Variants in NKX1-1 observed in about 807,000 individuals in gnomAD.
NKX1-1 encodes NK1 homeobox 1, also known as NK1 transcription factor-related protein 1.
A neutral mutation model predicts 1.7 loss-of-function variants in NKX1-1; 7 were observed. That is an observed-to-expected ratio of 4.22 (90% CI 2.40 to 7.92). The LOEUF (loss-of-function observed/expected upper bound fraction) is 7.92, where lower values mean the gene tolerates loss of function less well. Among genes scored for constraint, NKX1-1 ranks in the 30% most tolerant of loss-of-function variants. The probability of loss-of-function intolerance (pLI) is 0.00; values close to 1 mark genes in which losing one functional copy is unlikely to be tolerated. For synonymous variants in NKX1-1, 242 were observed against 85.3 expected (o/e 2.84, Z -10.13); for missense variants, 453 against 171.5 (o/e 2.64, Z -9.17).
rs1720678600 is a variant in NKX1-1, at chr4:1,403,002, G to A, written c.1277C>T (p.Ala426Val). ...AAQLPFLSSP[A>V]VLSPFVLGSQ... ...GCCCAGCACGAAGGGCGAGAGCACC[G>A]CCGGGCTCGACAGGAACGGCAGCTG... The change falls in exon 2 of 2, where the codon GCG becomes GTG. Residue 426 changes from alanine to valine, a missense_variant. Coordinates refer to ENST00000422806, the MANE Select transcript of NKX1-1 (RefSeq NM_001290079.1). 2 of 644,414 alleles carry A rather than the reference G, an allele frequency of 3.1e-6. No homozygotes were observed. Among genetic ancestry groups the A allele is most frequent in the South Asian group, 1.6e-5 (1 of 61,586 alleles). 39.9% of individuals were successfully genotyped at this position (644,414 alleles called of 1,614,324 possible).
At position 1,405,996 on chromosome 4, in the gene NKX1-1, G is replaced by C. The variant is rs1040744497; in HGVS notation, c.447C>G (p.Ala149=). ...ALAGAGGVGA[A]GAEPPNAGDP... is the part of the protein sequence containing the mutation. ...CCTACTCACTCGGCGGCTCAGCTCC[G>C]GCGGCTCCGACTCCCCCGGCGCCGG... The change falls in exon 1 of 2, where the codon GCC becomes GCG. Residue 149 remains alanine, a synonymous_variant. Coordinates refer to ENST00000422806, the MANE Select transcript of NKX1-1 (RefSeq NM_001290079.1). The C allele has an allele frequency of 2.1e-6, 1 of 473,508 alleles. No individual in the cohort carries two copies. Among genetic ancestry groups the C allele is most frequent in the African/African-American group, 2.0e-5 (1 of 49,008 alleles). The allele number at this position is 473,508 out of a possible 1,614,324, so 29.3% of individuals were successfully genotyped here.
At position 1,403,721 on chromosome 4, in the gene NKX1-1, G is replaced by A. The variant is rs1285426705; in HGVS notation, c.558C>T (p.Ser186=). The change falls in exon 2 of 2, where the codon AGC becomes AGT. Residue 186 remains serine (S), a synonymous_variant. Transcript: ENST00000422806. ...CCTCGTCGTCGGGAACCTCGTCCCC[G>A]CTGTCCGCGCTCGGGCTGTGGCCGC... ...GGGGHSPSAD[S]GDEVPDDEDD... 2 of 686,320 alleles carry A rather than the reference G, an allele frequency of 2.9e-6. No homozygotes were observed. The highest frequency in any genetic ancestry group is 1.8e-5 in the African/African-American group (1 of 54,134). The allele number at this position is 686,320 out of a possible 1,614,324, so 42.5% of individuals were successfully genotyped here. A position where few individuals can be genotyped will look rare whatever the true frequency, so the allele number is the denominator to read the frequency against.
In NKX1-1 at chr4:1,403,364, G is replaced by A. The variant is rs1720691223; in HGVS notation, c.915C>T (p.Tyr305=). ...TGTTCTCCAGCGCCACGAGCTGCTC[G>A]TAGGTGAAGGCGGTGCGCGCTCGCC... is the stretch of plus-strand genomic sequence containing the variant. ...KPRRARTAFT[Y]EQLVALENKF... Residue 305 remains tyrosine, a synonymous_variant, in exon 2 of 2, where the codon TAC becomes TAT. Transcript: ENST00000422806. 1 of 725,600 alleles carries A rather than the reference G, an allele frequency of 1.4e-6. No homozygotes were observed. The highest frequency in any genetic ancestry group is 3.1e-5 in the East Asian group (1 of 31,964). 44.9% of individuals were successfully genotyped at this position (725,600 alleles called of 1,614,324 possible).
Position 1,403,420 on chromosome 4 carries a change from T to A in NKX1-1, c.859A>T (p.Thr287Ser). ...TTCCCGGACTTGGAGTCGGACCCCG[T>A]GCGCTTCCGCTTGGGCTTCGCCGCC... ...ATAAKPKRKRTGSDSKSGKPR... is the reference protein window; with the variant it reads ...ATAAKPKRKRSGSDSKSGKPR... The change falls in exon 2 of 2, where the codon ACG becomes TCG. Residue 287 changes from threonine (T) to serine (S), a missense_variant. Physicochemically the swap from Thr to Ser is moderately conservative, Grantham distance 58 (BLOSUM62 1). Coordinates refer to ENST00000422806, the MANE Select transcript of NKX1-1 (RefSeq NM_001290079.1). 1 of 651,998 alleles carries A rather than the reference T, an allele frequency of 1.5e-6. No individual in the cohort carries two copies. 40.4% of individuals were successfully genotyped at this position (651,998 alleles called of 1,614,324 possible). A position where few individuals can be genotyped will look rare whatever the true frequency, so the allele number is the denominator to read the frequency against.
rs1234365744 is a variant in NKX1-1, at chr4:1,403,498, C to G, written c.781G>C (p.Gly261Arg). Residue 261 changes from glycine to arginine, a missense_variant, in exon 2 of 2, where the codon GGA becomes CGA. Transcript: ENST00000422806. ...ENSPVAQGPP[G>R]GAAAPGGAGT... ...GCGCCCCCCGGCGCCGCTGCACCTC[C>G]CGGTGGGCCCTGGGCAACGGGCGAG... The G allele has an allele frequency of 1.9e-6, 1 of 527,114 alleles. No individual in the cohort carries two copies. The highest frequency in any genetic ancestry group is 2.0e-5 in the African/African-American group (1 of 49,398). 32.7% of individuals were successfully genotyped at this position (527,114 alleles called of 1,614,324 possible).
chr4:1,405,932 C>T (rs1720742319), intron 1 of NKX1-1, 48 bp downstream of exon 1: 2 of 436,850 alleles, frequency 4.6e-6, no homozygotes, highest in South Asian at 6.1e-5. Flanking sequence ...GCATAGAAGC[C>T]TCCGGTCCCC....
Position 1,402,961 on chromosome 4 carries a change from C to T in NKX1-1, c.1318G>A (p.Ala440Thr). The stretch of plus-strand genomic sequence containing the variant: ...AGGTGCGGCGCGTAGAAGGCGGGCG[C>T]CCCGTAGGTCTGCGAGCCCAGCACG... ...PFVLGSQTYG[A>T]PAFYAPHL The change falls in exon 2 of 2, where the codon GCG becomes ACG. Residue 440 changes from alanine to threonine, a missense_variant. Ala to Thr is a moderately conservative substitution (Grantham distance 58). Coordinates refer to ENST00000422806, the MANE Select transcript of NKX1-1 (RefSeq NM_001290079.1). 1 of 665,582 alleles carries T rather than the reference C, an allele frequency of 1.5e-6. No homozygotes were observed. Among genetic ancestry groups the T allele is most frequent in the Admixed American group, 2.2e-5 (1 of 46,172 alleles). 41.2% of individuals were successfully genotyped at this position (665,582 alleles called of 1,614,324 possible). A position where few individuals can be genotyped will look rare whatever the true frequency, so the allele number is the denominator to read the frequency against.
In NKX1-1 at chr4:1,403,555, C is replaced by A; in HGVS notation, c.724G>T (p.Asp242Tyr). 2.2e-6 allele frequency: 1 copy of A among 454,000 alleles called. No homozygotes were observed. Among genetic ancestry groups the A allele is most frequent in the Non-Finnish European group, 3.8e-6 (1 of 261,694 alleles). The allele number at this position is 454,000 out of a possible 1,614,324, so 28.1% of individuals were successfully genotyped here. ...CGGGGTCCGGGGGCCGCTGCCTCGT[C>A]GACGGTGGCTCCGGGGGACGCGTCG... The part of the protein sequence containing the change: ...ETDASPGATV[D>Y]EAAAPGPREN... Residue 242 changes from aspartate to tyrosine, a missense_variant, in exon 2 of 2, where the codon GAC becomes TAC. Transcript: ENST00000422806.
intron 1 of NKX1-1, among the ~76,000 whole-genome samples, chr4:1,404,686 C>T (rs905400609): frequency 6.6e-6 from 1 of 152,278 alleles, no homozygotes; most frequent in Non-Finnish European, 1.5e-5. Flanking sequence ...TCGCCTATGC[C>T]CCGGCACTGG....
At chr4:1,404,314 A>T (rs972162254) in intron 1 of NKX1-1, among the ~76,000 whole-genome samples, 2 of 152,242 alleles carry the variant, frequency 1.3e-5, no homozygotes, top group Non-Finnish European at 2.9e-5. Context: ...ATTGCCGGGC[A>T]TTTAATAACA....
At position 1,403,289 on chromosome 4, in the gene NKX1-1, C is replaced by A; in HGVS notation, c.990G>T (p.Ala330=). Residue 330 remains alanine, a synonymous_variant, in exon 2 of 2, where the codon GCG becomes GCT. Coordinates refer to ENST00000422806, the MANE Select transcript of NKX1-1 (RefSeq NM_001290079.1). ...YLSVCERLNL[A]LSLSLTETQV... is the part of the protein sequence containing the mutation. Reference sequence around the variant, plus strand: ...GCGTCTCGGTGAGGCTGAGCGACAGCGCCAGGTTGAGGCGCTCGCACACCG... The same window carrying A: ...GCGTCTCGGTGAGGCTGAGCGACAGAGCCAGGTTGAGGCGCTCGCACACCG... 2.8e-6 allele frequency: 2 copies of A among 718,830 alleles called. No individual in the cohort carries two copies. The highest frequency in any genetic ancestry group is 1.8e-5 in the African/African-American group (1 of 55,158). 44.5% of individuals were successfully genotyped at this position (718,830 alleles called of 1,614,324 possible). A position where few individuals can be genotyped will look rare whatever the true frequency, so the allele number is the denominator to read the frequency against.
At chr4:1,405,424 G>A (rs1231280313) in intron 1 of NKX1-1, among the ~76,000 whole-genome samples, 1 of 152,254 alleles carries the variant, frequency 6.6e-6, no homozygotes, top group Non-Finnish European at 1.5e-5. Context: ...CGCCGTAATG[G>A]GATATCGACC....
chr4:1,404,561 A>T (rs922242059), intron 1 of NKX1-1, among the ~76,000 whole-genome samples: 23 of 152,128 alleles, frequency 1.5e-4, no homozygotes, highest in Non-Finnish European at 2.5e-4. Flanking sequence ...CCCGCGGCCT[A>T]AAGGCCCGGT....
chr4:1,405,413 G>A (rs1286140600), intron 1 of NKX1-1, among the ~76,000 whole-genome samples: 2 of 152,198 alleles, frequency 1.3e-5, no homozygotes, highest in African/African-American at 2.4e-5. Flanking sequence ...AGATATGCAC[G>A]CGCCGTAATG....
rs1720727121 is a variant in NKX1-1, at chr4:1,405,119, C to G, written c.463+861G>C. Among the ~76,000 whole-genome samples the G allele has an allele frequency of 2.6e-5, 4 of 152,304 alleles. No individual in the cohort carries two copies. In the South Asian group the frequency reaches 6.2e-4, roughly 24 times the overall value. On this transcript the variant is annotated intron_variant, in intron 1 of 1. Coordinates refer to ENST00000422806, the MANE Select transcript of NKX1-1 (RefSeq NM_001290079.1). ...GGATTTGTTCGCCCTCCATCTCGGCCGACCCGGAAGAGGCCCCGCGCAGGT... is the reference window on the plus strand; with the variant it reads ...GGATTTGTTCGCCCTCCATCTCGGCGGACCCGGAAGAGGCCCCGCGCAGGT...
chr4:1,404,978 A>T (rs1170601088), intron 1 of NKX1-1, among the ~76,000 whole-genome samples: 1 of 152,108 alleles, frequency 6.6e-6, no homozygotes, highest in Non-Finnish European at 1.5e-5. Context: ...CGGCTGTAGT[A>T]TGCGCGCGCC....
chr4:1,403,836 G>T (rs1313519558), intron 1 of NKX1-1, 21 bp from the exon 2 acceptor site: 1 of 647,592 alleles, frequency 1.5e-6, no homozygotes, highest in Non-Finnish European at 2.8e-6. Context: ...GAGGGACAAG[G>T]ACAGGGCAGG....
intron 1 of NKX1-1, 149 bp downstream of exon 1, chr4:1,405,831 G>A: frequency 2.5e-6 from 1 of 394,976 alleles, no homozygotes; most frequent in East Asian, 3.7e-5. Flanking sequence ...GGCCACGGGT[G>A]GGCTGGTGCG....
intron 1 of NKX1-1, among the ~76,000 whole-genome samples, chr4:1,404,984 G>A (rs898059733): frequency 3.9e-5 from 6 of 152,320 alleles, no homozygotes; most frequent in African/African-American, 1.4e-4. Context: ...TAGTATGCGC[G>A]CGCCTTCCCG....
Sources: gnomAD v4.1 joint callset for allele counts (sites outside exome capture counted in the v4.1 genomes callset) on GRCh38, gnomAD v4.1.1 for gene constraint, MANE v1.5 for transcripts, NCBI Gene and HGNC (gene_info 2026-07-23, HGNC 2026-07-21) for gene names.